Variants in PCDH15 observed in about 807,000 individuals in gnomAD.
The protein encoded by PCDH15 is protocadherin-15.
Under a neutral mutation model 178.5 loss-of-function variants are expected in PCDH15, and 129 were observed. The observed-to-expected ratio is 0.72, with a 90% confidence interval of 0.63 to 0.84. The LOEUF is 0.84. Among genes scored for constraint, PCDH15 ranks in the 40% least tolerant of loss-of-function variants. The pLI is 0.00. For missense variants in PCDH15, 2,230 were observed against 2,099.9 expected, an observed-to-expected ratio of 1.06 and a Z score of -1.21; for synonymous variants, 800 against 732.0, an observed-to-expected ratio of 1.09 and a Z score of -1.50.
intron 1 of PCDH15, among the ~76,000 whole-genome samples, chr10:54,764,379 A>T (rs998861896): frequency 1.3e-5 from 2 of 152,120 alleles, no homozygotes; most frequent in African/African-American, 4.8e-5. Flanking sequence ...TGTGACTCCT[A>T]TGAACCACTG....
At chr10:53,822,785 T>TATC (rs1564536864) in intron 32 of PCDH15, 4 of 1,614,114 alleles carry the variant, frequency 2.5e-6, no homozygotes, top group South Asian at 1.1e-5. Context: ...CTGTTCCTTC[T>TATC]ATCATCAGTG....
At chr10:54,325,800 T>G (rs765658159) in intron 7 of PCDH15, among the ~76,000 whole-genome samples, 1 of 151,860 alleles carries the variant, frequency 6.6e-6, no homozygotes, top group Admixed American at 6.6e-5. Flanking sequence ...TCCCAGCTAG[T>G]TGGGAGGCTG....
intron 1 of PCDH15, among the ~76,000 whole-genome samples, chr10:54,785,694 A>G (rs1950798165): frequency 6.6e-6 from 1 of 152,062 alleles, no homozygotes; most frequent in Non-Finnish European, 1.5e-5. Flanking sequence ...ACTTAGGCTG[A>G]GACAAGGGGG....
At chr10:54,888,510 G>A (rs1954402352) in intron 3 of PCDH15, among the ~76,000 whole-genome samples, 1 of 151,900 alleles carries the variant, frequency 6.6e-6, no homozygotes, top group Admixed American at 6.6e-5. Context: ...GAACATTCAT[G>A]TGTAAATCTT....
chr10:54,059,856 G>A (rs967176465), intron 18 of PCDH15, among the ~76,000 whole-genome samples: 28 of 152,170 alleles, frequency 1.8e-4, no homozygotes, highest in African/African-American at 6.0e-4. Flanking sequence ...TATGTACAAT[G>A]GAAAGCATTT....
intron 2 of PCDH15, among the ~76,000 whole-genome samples, chr10:54,970,995 T>A (rs988193933): frequency 1.4e-4 from 22 of 152,174 alleles, no homozygotes; most frequent in Non-Finnish European, 1.5e-5. Flanking sequence ...TTCCTCAGAA[T>A]GAATTGTGCC....
At chr10:54,180,587 G>T (rs568091681) in intron 13 of PCDH15, among the ~76,000 whole-genome samples, 3 of 152,122 alleles carry the variant, frequency 2.0e-5, no homozygotes, top group East Asian at 3.8e-4. Context: ...GGAAAGGCAG[G>T]GTTGTGATGA....
chr10:54,214,644 T>G (rs1261350978), intron 9 of PCDH15, among the ~76,000 whole-genome samples: 1 of 152,192 alleles, frequency 6.6e-6, no homozygotes, highest in Non-Finnish European at 1.5e-5. Context: ...CAGGCTGGAG[T>G]GCAGTGGCTT....
At chr10:55,511,418 C>T (rs1189151629) in intron 2 of PCDH15, among the ~76,000 whole-genome samples, 1 of 151,938 alleles carries the variant, frequency 6.6e-6, no homozygotes, top group African/African-American at 2.4e-5. Flanking sequence ...AACCTGATAT[C>T]GTTCTTAATT....
intron 2 of PCDH15, among the ~76,000 whole-genome samples, chr10:54,980,448 T>G (rs1486726582): frequency 6.6e-6 from 1 of 152,092 alleles, no homozygotes. Context: ...TCATTACCCC[T>G]AAACAGAAAA....
chr10:55,245,563 C>T (rs1306436416), intron 1 of PCDH15, among the ~76,000 whole-genome samples: 4 of 152,070 alleles, frequency 2.6e-5, no homozygotes, highest in Non-Finnish European at 5.9e-5. Context: ...AATTGCTATT[C>T]CTAGTATCTC....
At chr10:54,932,530 G>C (rs1459577974) in intron 2 of PCDH15, among the ~76,000 whole-genome samples, 1 of 152,136 alleles carries the variant, frequency 6.6e-6, no homozygotes, top group Non-Finnish European at 1.5e-5. Flanking sequence ...AATTTTATAA[G>C]TTTAGTGTCA....
intron 1 of PCDH15, among the ~76,000 whole-genome samples, chr10:55,225,534 A>G (rs567726092): frequency 6.6e-6 from 1 of 152,136 alleles, no homozygotes; most frequent in African/African-American, 2.4e-5. Flanking sequence ...GAAAAGAGAA[A>G]ACCAATTTAT....
At chr10:53,992,621 A>G (rs2091599463) in intron 21 of PCDH15, among the ~76,000 whole-genome samples, 1 of 152,208 alleles carries the variant, frequency 6.6e-6, no homozygotes, top group African/African-American at 2.4e-5. Flanking sequence ...ATGCAGTTTC[A>G]AAAAGAACAA....
At chr10:54,151,355 A>G (rs79607071) in intron 14 of PCDH15, among the ~76,000 whole-genome samples, 4,848 of 152,226 alleles carry the variant, frequency 0.032, 119 homozygotes, top group South Asian at 0.086. Context: ...AGCCTGGGCA[A>G]CATAGCAAAA....
At chr10:55,396,156 T>C (rs1205423496) in intron 2 of PCDH15, among the ~76,000 whole-genome samples, 1 of 152,208 alleles carries the variant, frequency 6.6e-6, no homozygotes, top group African/African-American at 2.4e-5. Flanking sequence ...GCTGTTTTCT[T>C]TCTCAGGTGA....
chr10:55,161,989 A>G (rs1011347613), intron 2 of PCDH15, among the ~76,000 whole-genome samples: 2 of 152,176 alleles, frequency 1.3e-5, no homozygotes, highest in Non-Finnish European at 2.9e-5. Flanking sequence ...AGCTCCCTTC[A>G]GATAAAAAGT....
At chr10:54,342,325 T>C (rs148300865) in intron 6 of PCDH15, among the ~76,000 whole-genome samples, 102 of 152,320 alleles carry the variant, frequency 6.7e-4, no homozygotes, top group African/African-American at 1.8e-3. Context: ...CCTGCCACTC[T>C]AGCTCCAGCC....
chr10:55,513,874 A>C (rs1840947404), intron 2 of PCDH15, among the ~76,000 whole-genome samples: 1 of 151,998 alleles, frequency 6.6e-6, no homozygotes, highest in Non-Finnish European at 1.5e-5. Flanking sequence ...TTCTACTTCA[A>C]TTACACTTTT....
Sources: gnomAD v4.1 joint callset for allele counts (sites outside exome capture counted in the v4.1 genomes callset) on GRCh38, gnomAD v4.1.1 for gene constraint, MANE v1.5 for transcripts, NCBI Gene and HGNC (gene_info 2026-07-23, HGNC 2026-07-21) for gene names.